The following RGSL1 variants were observed in gnomAD, a reference collection of about 807,000 sequenced individuals.
RGSL1 encodes the protein regulator of G protein signaling protein-like.
In RGSL1, 97 loss-of-function variants were observed where a neutral mutation model predicts 124.7. The observed-to-expected ratio is 0.78, with a 90% CI of 0.66 to 0.92. The LOEUF (loss-of-function observed/expected upper bound fraction) is 0.92, where lower values mean the gene tolerates loss of function less well. Among genes scored for constraint, RGSL1 ranks in the 40% least tolerant of loss-of-function variants. The pLI is 0.00. For synonymous variants in RGSL1, 424 were observed against 438.1 expected, an observed-to-expected ratio of 0.97 and a Z score of 0.40; for missense variants, 1,233 against 1,288.4, an observed-to-expected ratio of 0.96 and a Z score of 0.66.
At chr1:182,540,210 C>G in intron 14 of RGSL1, 37 bp from the exon 15 acceptor site, 2 of 1,511,770 alleles carry the variant, frequency 1.3e-6, no homozygotes, top group Non-Finnish European at 1.8e-6. Context: ...GTGACTTGAT[C>G]AAACAAAATT....
intron 9 of RGSL1, among the ~76,000 whole-genome samples, chr1:182,494,945 A>C (rs1655808571): frequency 6.6e-6 from 1 of 152,208 alleles, no homozygotes; most frequent in Non-Finnish European, 1.5e-5. Flanking sequence ...GTCAGAGGCA[A>C]TGTTATGTGA....
At chr1:182,542,076 A>G (rs1659926510) in intron 15 of RGSL1, among the ~76,000 whole-genome samples, 1 of 152,062 alleles carries the variant, frequency 6.6e-6, no homozygotes, top group Non-Finnish European at 1.5e-5. Context: ...GAAGCTTTTT[A>G]GCTTGATGTG....
At chr1:182,451,967 G>A (rs78095206) in intron 1 of RGSL1, among the ~76,000 whole-genome samples, 2,645 of 152,114 alleles carry the variant, frequency 0.017, 38 homozygotes, top group South Asian at 0.034. Context: ...GGACATGGAG[G>A]GGAGAGAGAG....
chr1:182,521,636 A>T (rs950337729), intron 9 of RGSL1, among the ~76,000 whole-genome samples: 1 of 152,230 alleles, frequency 6.6e-6, no homozygotes, highest in Non-Finnish European at 1.5e-5. Flanking sequence ...GGATAGGACA[A>T]TAGCAGTGTC....
intron 4 of RGSL1, among the ~76,000 whole-genome samples, chr1:182,466,479 G>A (rs1653339777): frequency 6.6e-6 from 1 of 152,068 alleles, no homozygotes; most frequent in African/African-American, 2.4e-5. Flanking sequence ...AAAGTAGCTG[G>A]ATACAAAGTC....
chr1:182,456,578 G>A (rs534032455), intron 2 of RGSL1, among the ~76,000 whole-genome samples: 4 of 152,232 alleles, frequency 2.6e-5, no homozygotes, highest in Non-Finnish European at 4.4e-5. Flanking sequence ...GATTACAGGC[G>A]TAAGCCTCCA....
chr1:182,560,130 T>G (rs1661089789), intron 21 of RGSL1, 149 bp from the exon 22 acceptor site: 1 of 151,970 alleles, frequency 6.6e-6, no homozygotes, highest in Non-Finnish European at 1.5e-5. Context: ...GACCTTATAG[T>G]CAGACTGTGC....
At chr1:182,526,934 G>A (rs756652269) in intron 10 of RGSL1, among the ~76,000 whole-genome samples, 1 of 152,198 alleles carries the variant, frequency 6.6e-6, no homozygotes, top group South Asian at 2.1e-4. Flanking sequence ...TCAAGATGTG[G>A]GTATTTGTAA....
At chr1:182,488,949 A>G (rs1335233228) in intron 7 of RGSL1, 31 bp from the exon 8 acceptor site, 2 of 1,524,052 alleles carry the variant, frequency 1.3e-6, no homozygotes, top group Non-Finnish European at 1.8e-6. Flanking sequence ...CCTGTAACAA[A>G]TGCCATCTTC....
intron 4 of RGSL1, among the ~76,000 whole-genome samples, chr1:182,464,952 G>A (rs1462010500): frequency 6.6e-6 from 1 of 151,732 alleles, no homozygotes; most frequent in Non-Finnish European, 1.5e-5. Context: ...ATCCAGACAG[G>A]TGTCATGCAC....
chr1:182,455,141 GGC>G (rs1480540771), intron 2 of RGSL1, among the ~76,000 whole-genome samples: 1 of 152,192 alleles, frequency 6.6e-6, no homozygotes, highest in African/African-American at 2.4e-5. Context: ...GTTTTTAGGA[GGC>G]AGTGGGAGTA....
Position 182,474,342 on chromosome 1 carries a change from A to T in RGSL1, c.1231A>T (p.Ser411Cys), listed in dbSNP as rs1373954443. The T allele has an allele frequency of 6.4e-7, 1 of 1,551,846 alleles. No individual in the cohort carries two copies. The highest frequency in any genetic ancestry group is 2.0e-5 in the Admixed American group (1 of 51,010). ...CTGGCAGGACTTGCAGCATTTCCTC[A>T]GTGTCCTTCTGAATAACAAAAAGAA... ...DLWQDLQHFL[S>C]VLLNNKKNGN... Residue 411 changes from serine to cysteine, a missense_variant, in exon 6 of 22, where the codon AGT (serine) becomes TGT (cysteine). Coordinates refer to ENST00000294854, the MANE Select transcript of RGSL1 (RefSeq NM_001137669.2).
At chr1:182,469,619 G>A (rs1653650991) in intron 4 of RGSL1, among the ~76,000 whole-genome samples, 2 of 152,100 alleles carry the variant, frequency 1.3e-5, no homozygotes, top group Admixed American at 1.3e-4. Context: ...ATTAAAAATA[G>A]AATTACCATA....
At chr1:182,500,298 A>G (rs898340772) in intron 9 of RGSL1, among the ~76,000 whole-genome samples, 1 of 152,202 alleles carries the variant, frequency 6.6e-6, no homozygotes, top group South Asian at 2.1e-4. Flanking sequence ...CGGTGTAGAC[A>G]TGCTAGTCAA....
At chr1:182,516,094 C>G (rs1157711996) in intron 9 of RGSL1, among the ~76,000 whole-genome samples, 1 of 152,160 alleles carries the variant, frequency 6.6e-6, no homozygotes, top group African/African-American at 2.4e-5. Context: ...CAAATAATGC[C>G]TTTGTTGCCC....
chr1:182,472,959 C>T (rs1201395683), intron 5 of RGSL1, among the ~76,000 whole-genome samples: 1 of 152,178 alleles, frequency 6.6e-6, no homozygotes, highest in Non-Finnish European at 1.5e-5. Context: ...TTTACATTTT[C>T]ATAGGGCTAA....
chr1:182,494,616 G>A (rs915500708), intron 9 of RGSL1, among the ~76,000 whole-genome samples: 2 of 152,166 alleles, frequency 1.3e-5, no homozygotes, highest in African/African-American at 2.4e-5. Flanking sequence ...ATTTCCCTAA[G>A]TAAGTCTCTG....
At position 182,468,778 on chromosome 1, in the gene RGSL1, T is replaced by A. The variant is rs563420856; in HGVS notation, c.302-3618T>A. 3.1e-3 allele frequency among the ~76,000 whole-genome samples: 464 copies of A among 151,292 alleles called. 7 individuals carry two copies. The South Asian group carries it at 0.031, about 10-fold the overall frequency. ...AAAGTATAATAAAAATAAAATAAAA[T>A]AAAAATAAATAAATAAAAAACAGTG... On this transcript the variant is annotated intron_variant, in intron 4 of 21. Coordinates refer to ENST00000294854, the MANE Select transcript of RGSL1 (RefSeq NM_001137669.2).
chr1:182,542,952 G>A (rs1659982765), intron 15 of RGSL1, among the ~76,000 whole-genome samples: 1 of 152,038 alleles, frequency 6.6e-6, no homozygotes, highest in South Asian at 2.1e-4. Flanking sequence ...GGCTGTTGGT[G>A]AAGTCTTTAG....
Sources: allele counts gnomAD v4.1 joint callset (sites outside exome capture counted in the v4.1 genomes callset), GRCh38; gene constraint gnomAD v4.1.1; transcripts MANE v1.5; gene names NCBI Gene and HGNC (gene_info 2026-07-23, HGNC 2026-07-21).